Variants in PRKN observed in about 807,000 individuals in gnomAD.
PRKN encodes parkin RBR E3 ubiquitin protein ligase.
PRKN carries 56 observed loss-of-function variants against 59.5 expected under a neutral mutation model. The observed-to-expected ratio is 0.94, with a 90% CI of 0.76 to 1.18. The LOEUF is 1.18. PRKN is among the 50% of genes most tolerant of loss of function. The probability of loss-of-function intolerance (pLI) is 0.00; values close to 1 mark genes in which losing one functional copy is unlikely to be tolerated. For missense variants in PRKN, 657 were observed against 596.4 expected (o/e 1.10, Z -1.06); for synonymous variants, 250 against 222.1 (o/e 1.13, Z -1.12).
intron 9 of PRKN, among the ~76,000 whole-genome samples, chr6:161,510,058 G>A (rs888115485): frequency 2.6e-5 from 4 of 152,202 alleles, no homozygotes; most frequent in East Asian, 1.9e-4. Context: ...ATCCTCTACC[G>A]TCCTTATGAT....
intron 1 of PRKN, among the ~76,000 whole-genome samples, chr6:162,465,409 TA>T (rs1791369290): frequency 6.6e-6 from 1 of 152,168 alleles, no homozygotes; most frequent in African/African-American, 2.4e-5. Flanking sequence ...GCACAACACT[TA>T]ATAGAGAGAA....
chr6:162,042,786 A>T (rs1265356531), intron 5 of PRKN, among the ~76,000 whole-genome samples: 3 of 152,188 alleles, frequency 2.0e-5, no homozygotes, highest in Non-Finnish European at 4.4e-5. Context: ...GCTTAATATA[A>T]AATTACTTAA....
chr6:162,021,155 T>C (rs1324295654), intron 5 of PRKN, among the ~76,000 whole-genome samples: 1 of 19,052 alleles, frequency 5.2e-5, no homozygotes, highest in African/African-American at 1.7e-4. Context: ...TATATATATA[T>C]ATATATATAT....
intron 7 of PRKN, among the ~76,000 whole-genome samples, chr6:161,731,399 C>T (rs1562639704): frequency 6.6e-6 from 1 of 152,230 alleles, no homozygotes; most frequent in African/African-American, 2.4e-5. Context: ...TAACTGTAGG[C>T]ATTTCTACAC....
intron 4 of PRKN, among the ~76,000 whole-genome samples, chr6:162,083,324 C>A (rs1779132377): frequency 6.6e-6 from 1 of 152,082 alleles, no homozygotes; most frequent in Non-Finnish European, 1.5e-5. Context: ...AAATGTGATA[C>A]TGAGACATGA....
At chr6:161,671,930 G>C (rs934371019) in intron 7 of PRKN, among the ~76,000 whole-genome samples, 1 of 152,038 alleles carries the variant, frequency 6.6e-6, no homozygotes, top group Non-Finnish European at 1.5e-5. Flanking sequence ...ATAAAGTTCT[G>C]CTGCTCCACA....
At chr6:162,509,183 A>G (rs1348133721) in intron 1 of PRKN, among the ~76,000 whole-genome samples, 1 of 152,196 alleles carries the variant, frequency 6.6e-6, no homozygotes. Flanking sequence ...TTCTACAAAC[A>G]TATCCATTAA....
chr6:161,510,955 T>C (rs1443117074), intron 9 of PRKN, among the ~76,000 whole-genome samples: 1 of 152,202 alleles, frequency 6.6e-6, no homozygotes, highest in Non-Finnish European at 1.5e-5. Context: ...AAGAAGCCAG[T>C]CCAGACATGA....
chr6:161,605,337 T>C (rs1007258607), intron 7 of PRKN, among the ~76,000 whole-genome samples: 1 of 152,182 alleles, frequency 6.6e-6, no homozygotes, highest in Non-Finnish European at 1.5e-5. Context: ...CATGTACATA[T>C]AGAATGTACA....
intron 7 of PRKN, among the ~76,000 whole-genome samples, chr6:161,691,671 C>G (rs547563470): frequency 6.6e-5 from 10 of 152,226 alleles, no homozygotes; most frequent in African/African-American, 2.4e-4. Context: ...GCATTTTAAA[C>G]AGTAAGATCA....
chr6:162,217,821 G>A (rs908689586), intron 3 of PRKN, among the ~76,000 whole-genome samples: 3 of 152,152 alleles, frequency 2.0e-5, no homozygotes, highest in Non-Finnish European at 4.4e-5. Context: ...GCTCCAGCTT[G>A]GGGTTGTCTC....
intron 6 of PRKN, among the ~76,000 whole-genome samples, chr6:161,899,433 G>A (rs367574389): frequency 6.6e-6 from 1 of 152,074 alleles, no homozygotes; most frequent in Non-Finnish European, 1.5e-5. Context: ...ATAATATGTA[G>A]GTAATATTTT....
rs924992125 is a variant in PRKN, at chr6:161,584,206, A to T, written c.872-14790T>A. Among the ~76,000 whole-genome samples, 1 of 152,182 alleles carries T rather than the reference A, an allele frequency of 6.6e-6. No homozygotes were observed. The highest frequency in any genetic ancestry group is 2.4e-5 in the African/African-American group (1 of 41,448). On this transcript the variant is annotated intron_variant, in intron 7 of 11. Coordinates refer to ENST00000366898, the MANE Select transcript of PRKN (RefSeq NM_004562.3). The surrounding 1 kb of genome is among the most constrained non-coding windows in gnomAD (Gnocchi z 4.8). ...TTCACCTTAATCAGATCAAATTAGG[A>T]CAGGTGGCAACCCTGCAGGCAACAT...
chr6:162,380,110 G>A (rs544496304), intron 2 of PRKN, among the ~76,000 whole-genome samples: 30 of 152,154 alleles, frequency 2.0e-4, no homozygotes, highest in African/African-American at 7.2e-4. Flanking sequence ...GCCATATTCT[G>A]TACTTTATCG....
chr6:162,362,047 G>A (rs994321425), intron 2 of PRKN, among the ~76,000 whole-genome samples: 3 of 152,204 alleles, frequency 2.0e-5, no homozygotes, highest in Admixed American at 6.5e-5. Context: ...CACCGTGTGT[G>A]TTAAATGTTT....
chr6:162,321,241 A>G (rs1336207720), intron 2 of PRKN, among the ~76,000 whole-genome samples: 1 of 151,898 alleles, frequency 6.6e-6, no homozygotes, highest in Non-Finnish European at 1.5e-5. Flanking sequence ...TATTCTGAGC[A>G]ATTTTCTACC....
intron 2 of PRKN, among the ~76,000 whole-genome samples, chr6:162,416,451 A>G (rs1788633308): frequency 6.6e-6 from 1 of 152,214 alleles, no homozygotes; most frequent in African/African-American, 2.4e-5. Flanking sequence ...GTAGGATGGA[A>G]GCAAAGTCAC....
At chr6:161,896,646 C>T (rs1695541953) in intron 6 of PRKN, among the ~76,000 whole-genome samples, 1 of 152,110 alleles carries the variant, frequency 6.6e-6, no homozygotes, top group African/African-American at 2.4e-5. Flanking sequence ...GCTGGGGGAG[C>T]AGGGGAGGTG....
At chr6:161,674,085 GGGAATACAGACT>G (rs1337909999) in intron 7 of PRKN, among the ~76,000 whole-genome samples, 1 of 152,084 alleles carries the variant, frequency 6.6e-6, no homozygotes, top group Non-Finnish European at 1.5e-5. Context: ...TACCTACGGA[GGGAATACAGACT>G]GGGAAAAAAG....
Sources: allele counts gnomAD v4.1 joint callset (sites outside exome capture counted in the v4.1 genomes callset), GRCh38; gene constraint gnomAD v4.1.1; non-coding constraint Gnocchi (gnomAD v3.1); transcripts MANE v1.5; gene names NCBI Gene and HGNC (gene_info 2026-07-23, HGNC 2026-07-21).